The following ANKMY1 variants were observed in gnomAD, a reference collection of about 807,000 sequenced individuals.
The protein encoded by ANKMY1 is ankyrin repeat and MYND domain containing 1.
A neutral mutation model predicts 102.0 loss-of-function variants in ANKMY1; 98 were observed. The observed-to-expected ratio is 0.96, with a 90% CI of 0.82 to 1.14. The LOEUF (loss-of-function observed/expected upper bound fraction) is 1.14. Ranked by LOEUF, ANKMY1 falls within the 50% of genes most tolerant of loss-of-function variation. The pLI is 0.00. For missense variants in ANKMY1, 1,330 were observed against 1,347.6 expected (o/e 0.99, Z 0.20); for synonymous variants, 582 against 559.9 (o/e 1.04, Z -0.56).
At chr2:240,500,424 C>T (rs1376171297) in intron 14 of ANKMY1, 28 bp downstream of exon 14, 4 of 1,602,360 alleles carry the variant, frequency 2.5e-6, no homozygotes, top group Non-Finnish European at 3.4e-6. Flanking sequence ...CACTCCCCCT[C>T]CTTCCTCATG....
Position 240,525,748 on chromosome 2 carries a change from G to A in ANKMY1, c.1272C>T (p.Leu424=), listed in dbSNP as rs748034510. ...TGAAGGACTGGGCGGGGTAGTGGAG[G>A]AGGAAACACATGCTGAGTGCCGTGA... ...EGLTALSMCF[L]LHYPAQSFKP... is the part of the protein sequence containing the mutation. Residue 424 remains leucine (L), a synonymous_variant, in exon 7 of 18, where the codon CTC becomes CTT. Transcript: ENST00000401804. 1 of 1,614,164 alleles carries A rather than the reference G, an allele frequency of 6.2e-7. No homozygotes were observed. Among genetic ancestry groups the A allele is most frequent in the East Asian group, 2.2e-5 (1 of 44,878 alleles).
At chr2:240,526,568 C>G in intron 5 of ANKMY1, 123 bp from the exon 6 acceptor site, 2 of 1,500,786 alleles carry the variant, frequency 1.3e-6, no homozygotes, top group Non-Finnish European at 1.8e-6. Flanking sequence ...CCACTGTTCA[C>G]TCCTCAGGTA....
intron 5 of ANKMY1, chr2:240,527,620 A>AC (rs2083976305): frequency 2.9e-4 from 1 of 3,470 alleles, no homozygotes. Flanking sequence ...AATGGATGTT[A>AC]AGTGGGTGGA....
At chr2:240,489,434 G>A (rs1240344777) in intron 15 of ANKMY1, among the ~76,000 whole-genome samples, 1 of 150,552 alleles carries the variant, frequency 6.6e-6, no homozygotes. Context: ...TCCAGCCTGG[G>A]CAACAGAGCA....
Position 240,500,098 on chromosome 2 carries a change from A to T in ANKMY1, c.2666T>A (p.Phe889Tyr). ...FQDRRIARCP[F>Y]HTLMPAERET... Reference sequence around the variant, plus strand: ...GCGCTCTGCTGGCATCAGCGTGTGGAAGGGGCAGCGGGCAATCCTCCGGTC... The same window carrying T: ...GCGCTCTGCTGGCATCAGCGTGTGGTAGGGGCAGCGGGCAATCCTCCGGTC... The change falls in exon 15 of 18, where the codon TTC becomes TAC. Residue 889 changes from phenylalanine to tyrosine, a missense_variant. By Grantham distance (22) the Phe-to-Tyr change is conservative. Transcript: ENST00000401804. The T allele has an allele frequency of 6.2e-7, 1 of 1,608,464 alleles. No individual in the cohort carries two copies. Among genetic ancestry groups the T allele is most frequent in the Non-Finnish European group, 8.5e-7 (1 of 1,177,822 alleles).
At chr2:240,533,719 A>ACACG (rs2086020538) in intron 4 of ANKMY1, among the ~76,000 whole-genome samples, 1 of 15,892 alleles carries the variant, frequency 6.3e-5, no homozygotes, top group African/African-American at 7.0e-4. Context: ...ATTTCAATAA[A>ACACG]CACACACACA....
chr2:240,502,109 G>A (rs1057092283), intron 13 of ANKMY1, among the ~76,000 whole-genome samples: 1 of 152,106 alleles, frequency 6.6e-6, no homozygotes, highest in Admixed American at 6.5e-5. Flanking sequence ...TGATGGACAG[G>A]TGGGTGGATG....
At chr2:240,509,539 A>C in intron 11 of ANKMY1, 84 bp from the exon 12 acceptor site, 1 of 960,410 alleles carries the variant, frequency 1.0e-6, no homozygotes, top group Non-Finnish European at 1.6e-6. Context: ...AAATGCCATG[A>C]AATCAATGTA....
At chr2:240,519,905 T>A (rs1415413404) in intron 9 of ANKMY1, 1 of 262,364 alleles carries the variant, frequency 3.8e-6, no homozygotes, top group Non-Finnish European at 8.3e-6. Flanking sequence ...CAGATTCCCC[T>A]TCGAAGATTT....
intron 15 of ANKMY1, among the ~76,000 whole-genome samples, chr2:240,490,189 C>A (rs1306853235): frequency 6.6e-6 from 1 of 152,166 alleles, no homozygotes; most frequent in Non-Finnish European, 1.5e-5. Flanking sequence ...AGTCTAGCTA[C>A]CAGTTTATCA....
chr2:240,550,256 C>T (rs1181134336), intron 4 of ANKMY1, among the ~76,000 whole-genome samples: 4 of 151,012 alleles, frequency 2.6e-5, no homozygotes, highest in Admixed American at 6.6e-5. Flanking sequence ...GGTAAACTAT[C>T]GCAAGAACAA....
intron 4 of ANKMY1, among the ~76,000 whole-genome samples, chr2:240,535,854 CT>C (rs1232035463): frequency 1.3e-5 from 2 of 151,640 alleles, no homozygotes; most frequent in African/African-American, 4.9e-5. Context: ...CCACACCCCC[CT>C]AAATAGTAAA....
At chr2:240,558,068 G>A, upstream of ANKMY1, 2 of 828,004 alleles carry the variant, frequency 2.4e-6, no homozygotes, top group Non-Finnish European at 2.9e-6. Flanking sequence ...CCCCCGCCAG[G>A]ACGCACCCGG....
In ANKMY1 at chr2:240,507,435, C is replaced by T. The variant is rs552353645; in HGVS notation, c.2526+125G>A. ...AGGGCCACCCAGCCCTTATACCCCT[C>T]ACCCAGGGCCACCCACTCCCCTCCC... On this transcript the variant is annotated intron_variant, in intron 13 of 17. Transcript: ENST00000401804. 45 of 1,189,242 alleles carry T rather than the reference C, an allele frequency of 3.8e-5. No homozygotes were observed. In the South Asian group the frequency reaches 7.6e-4, roughly 20 times the overall value. The allele number at this position is 1,189,242 out of a possible 1,614,324, so 73.7% of individuals were successfully genotyped here. A position where few individuals can be genotyped will look rare whatever the true frequency, so the allele number is the denominator to read the frequency against.
chr2:240,475,194 T>G (rs2151806943), downstream of ANKMY1, among the ~76,000 whole-genome samples: 1 of 152,382 alleles, frequency 6.6e-6, no homozygotes, highest in East Asian at 1.9e-4. Flanking sequence ...TTTTTTCATA[T>G]GCTTGTTGGC....
At chr2:240,488,774 A>G (rs1223161468) in intron 15 of ANKMY1, among the ~76,000 whole-genome samples, 1 of 152,110 alleles carries the variant, frequency 6.6e-6, no homozygotes. Context: ...CTAAGTCATT[A>G]TTGTTGTATA....
chr2:240,556,063 T>C (rs949108933), intron 2 of ANKMY1, among the ~76,000 whole-genome samples: 1 of 152,110 alleles, frequency 6.6e-6, no homozygotes, highest in Non-Finnish European at 1.5e-5. Context: ...GCTCCCCACA[T>C]GGTAGTGAGA....
Position 240,506,072 on chromosome 2 carries a change from CCCCCTAACCCTGGACGAGGTGCTGGGGAG to C in ANKMY1, c.2526+1459_2526+1487del, listed in dbSNP as rs1331077213. On this transcript the variant is annotated intron_variant, in intron 13 of 17. Coordinates refer to ENST00000401804, the MANE Select transcript of ANKMY1 (RefSeq NM_001282771.3). The surrounding 1 kb of genome is among the most constrained non-coding windows in gnomAD (Gnocchi z 4.9). Reference sequence around the variant, plus strand: ...TAACCCCGGACAAGATGCTGGGGAGCCCCCTAACCCTGGACGAGGTGCTGGGGAGCCCCCAACCCTGGACAAGTCGCTGG... The same window carrying C: ...TAACCCCGGACAAGATGCTGGGGAGCCCCCCAACCCTGGACAAGTCGCTGG... Among the ~76,000 whole-genome samples the C allele has an allele frequency of 6.6e-6, 1 of 152,024 alleles. No individual in the cohort carries two copies. Among genetic ancestry groups the C allele is most frequent in the Non-Finnish European group, 1.5e-5 (1 of 68,006 alleles).
At chr2:240,547,578 G>C (rs1370932403) in intron 4 of ANKMY1, among the ~76,000 whole-genome samples, 54 of 140,372 alleles carry the variant, frequency 3.8e-4, no homozygotes, top group Admixed American at 7.2e-4. Flanking sequence ...CCAGGAGCTG[G>C]TTTTTTGAAA....
Sources: gnomAD v4.1 joint callset for allele counts (sites outside exome capture counted in the v4.1 genomes callset) on GRCh38, gnomAD v4.1.1 for gene constraint, Gnocchi (gnomAD v3.1) non-coding constraint, MANE v1.5 for transcripts, NCBI Gene and HGNC (gene_info 2026-07-23, HGNC 2026-07-21) for gene names.